Variants in ZMYM2 observed in about 807,000 individuals in gnomAD.
The protein encoded by ZMYM2 is zinc finger MYM-type containing 2.
Under a neutral mutation model 162.8 loss-of-function variants are expected in ZMYM2, and 56 were observed. That is an observed-to-expected ratio of 0.34 (90% CI 0.28 to 0.43). ZMYM2 has a LOEUF of 0.43. Among genes scored for constraint, ZMYM2 ranks in the 20% least tolerant of loss-of-function variants. The pLI is 1.00. For synonymous variants in ZMYM2, 510 were observed against 541.6 expected, an observed-to-expected ratio of 0.94 and a Z score of 0.81; for missense variants, 1,275 against 1,621.8, an observed-to-expected ratio of 0.79 and a Z score of 3.67.
intron 15 of ZMYM2, 65 bp downstream of exon 15, chr13:20,058,769 C>G: frequency 6.3e-7 from 1 of 1,580,830 alleles, no homozygotes; most frequent in Admixed American, 1.7e-5. Flanking sequence ...GAAATACATG[C>G]TTTTCTTGAA....
At position 20,087,865 on chromosome 13, in the gene ZMYM2, CT is replaced by C. The variant is rs374839327; in HGVS notation, c.*1856del. ...AATACAAAAATTTTCTCTAACTTAC[CT>C]TTTTCCAGAACTACTTCTTTAAGCA... On this transcript the variant is annotated 3_prime_UTR_variant, in exon 25 of 25. Transcript: ENST00000610343. 3.2e-5 allele frequency: 6 copies of C among 187,876 alleles called. No individual in the cohort carries two copies. Among genetic ancestry groups the C allele is most frequent in the Admixed American group, 3.1e-4 (5 of 16,180 alleles). 11.6% of individuals were successfully genotyped at this position (187,876 alleles called of 1,614,324 possible).
At chr13:20,024,362 TC>T (rs1428427500) in intron 7 of ZMYM2, 2 of 206,786 alleles carry the variant, frequency 9.7e-6, no homozygotes, top group African/African-American at 2.3e-5. Flanking sequence ...GGATCACAAA[TC>T]CAAGGAATAG....
chr13:19,965,627 G>C (rs1007688748), intron 2 of ZMYM2, among the ~76,000 whole-genome samples: 2 of 152,022 alleles, frequency 1.3e-5, no homozygotes, highest in Non-Finnish European at 2.9e-5. Context: ...ACTAAGGAAA[G>C]GTTTGGGTGG....
chr13:20,025,128 T>G (rs1190970431), intron 7 of ZMYM2: 3 of 209,152 alleles, frequency 1.4e-5, no homozygotes, highest in Non-Finnish European at 2.9e-5. Flanking sequence ...TGTATTCATT[T>G]CAGTTGTTAT....
the ZMYM2 span, among the ~76,000 whole-genome samples, chr13:19,908,143 C>G: frequency 2.6e-5 from 4 of 151,386 alleles, no homozygotes; most frequent in African/African-American, 9.7e-5. Flanking sequence ...CAAAAATTAG[C>G]CAGGTATGGT....
chr13:20,007,787 ATT>A (rs1171414152), intron 6 of ZMYM2, among the ~76,000 whole-genome samples: 1 of 150,874 alleles, frequency 6.6e-6, no homozygotes, highest in African/African-American at 2.4e-5. Flanking sequence ...CGCTGAGCTA[ATT>A]TTTGTGTTTT....
chr13:19,899,039 G>T, the ZMYM2 span, among the ~76,000 whole-genome samples: 1 of 149,574 alleles, frequency 6.7e-6, no homozygotes, highest in Non-Finnish European at 1.5e-5. Context: ...TGCAGCCTCC[G>T]CCTCCCGGGT....
intron 2 of ZMYM2, among the ~76,000 whole-genome samples, chr13:19,978,515 C>A (rs2139432457): frequency 6.6e-6 from 1 of 152,110 alleles, no homozygotes; most frequent in Admixed American, 6.5e-5. Flanking sequence ...CTCCTGGGTT[C>A]AAGTGATTCT....
At chr13:20,037,039 T>A in intron 12 of ZMYM2, 130 bp downstream of exon 12, 1 of 755,342 alleles carries the variant, frequency 1.3e-6, no homozygotes, top group East Asian at 3.3e-5. Context: ...CTGATAATAC[T>A]ATTCATTAAA....
the ZMYM2 span, among the ~76,000 whole-genome samples, chr13:19,920,128 A>T: frequency 6.6e-6 from 1 of 152,138 alleles, no homozygotes; most frequent in Admixed American, 6.6e-5. Flanking sequence ...TTTTAAAGTT[A>T]TGTATCTATG....
intron 21 of ZMYM2, among the ~76,000 whole-genome samples, chr13:20,081,653 C>T (rs537948752): frequency 1.1e-4 from 16 of 151,990 alleles, no homozygotes; most frequent in African/African-American, 3.6e-4. Flanking sequence ...AGAAAAAAAA[C>T]TAAAAAGAAA....
the ZMYM2 span, among the ~76,000 whole-genome samples, chr13:19,938,157 G>GTA: frequency 6.6e-6 from 1 of 152,044 alleles, no homozygotes; most frequent in Non-Finnish European, 1.5e-5. Context: ...AATCCTTTGG[G>GTA]TATATACCCA....
intron 2 of ZMYM2, chr13:19,965,277 C>T: frequency 1.5e-6 from 2 of 1,295,480 alleles, no homozygotes; most frequent in Non-Finnish European, 2.0e-6. Flanking sequence ...TCTGGACTTA[C>T]TAGTGTAAGA....
chr13:20,000,055 C>T (rs1291984749), intron 3 of ZMYM2, among the ~76,000 whole-genome samples: 3 of 152,140 alleles, frequency 2.0e-5, no homozygotes, highest in Non-Finnish European at 4.4e-5. Context: ...GCTTCAGACC[C>T]CCAAAGTGCT....
At chr13:19,867,156 C>T in the ZMYM2 span, among the ~76,000 whole-genome samples, 3 of 152,006 alleles carry the variant, frequency 2.0e-5, no homozygotes, top group African/African-American at 7.2e-5. Context: ...AGTTCGAGAC[C>T]AGCCTGACCA....
chr13:20,056,369 G>C (rs998602642), intron 14 of ZMYM2, among the ~76,000 whole-genome samples: 1 of 152,210 alleles, frequency 6.6e-6, no homozygotes, highest in African/African-American at 2.4e-5. Flanking sequence ...TAATGCCCCA[G>C]TTCATTGCTG....
the ZMYM2 span, among the ~76,000 whole-genome samples, chr13:19,891,280 T>G: frequency 6.6e-6 from 1 of 151,802 alleles, no homozygotes; most frequent in Non-Finnish European, 1.5e-5. Flanking sequence ...GAGGACACAG[T>G]GAGAGTGTGA....
At chr13:19,877,977 C>A in the ZMYM2 span, among the ~76,000 whole-genome samples, 1 of 152,062 alleles carries the variant, frequency 6.6e-6, no homozygotes. Flanking sequence ...AGCATCTGTA[C>A]CATTTTACAT....
chr13:20,056,266 C>A (rs968710122), intron 14 of ZMYM2, among the ~76,000 whole-genome samples: 10 of 152,098 alleles, frequency 6.6e-5, no homozygotes, highest in Admixed American at 5.9e-4. Context: ...GGATGATACC[C>A]AAAATATTCT....
Sources: gnomAD v4.1 joint callset for allele counts (sites outside exome capture counted in the v4.1 genomes callset) on GRCh38, gnomAD v4.1.1 for gene constraint, MANE v1.5 for transcripts, NCBI Gene and HGNC (gene_info 2026-07-23, HGNC 2026-07-21) for gene names.